The following LAPTM4B variants were observed in gnomAD, a reference collection of about 807,000 sequenced individuals.
LAPTM4B encodes the protein lysosomal-associated transmembrane protein 4B.
Under a neutral mutation model 28.5 loss-of-function variants are expected in LAPTM4B, and 26 were observed. That is an observed-to-expected ratio of 0.91 (90% confidence interval 0.67 to 1.27). LAPTM4B has a LOEUF of 1.27. Among genes scored for constraint, LAPTM4B ranks in the 50% most tolerant of loss-of-function variants. The probability of loss-of-function intolerance (pLI) is 0.00; values close to 1 mark genes in which losing one functional copy is unlikely to be tolerated. For missense variants in LAPTM4B, 288 were observed against 285.8 expected, an observed-to-expected ratio of 1.01 and a Z score of -0.06; for synonymous variants, 109 against 106.4, an observed-to-expected ratio of 1.02 and a Z score of -0.15.
chr8:97,832,707 A>T (rs200720081), intron 6 of LAPTM4B, among the ~76,000 whole-genome samples: 7 of 60,926 alleles, frequency 1.1e-4, no homozygotes, highest in African/African-American at 3.8e-4. Flanking sequence ...TTTTATTTTT[A>T]TTTTATTTTA....
intron 1 of LAPTM4B, among the ~76,000 whole-genome samples, chr8:97,780,164 C>A (rs1250151560): frequency 6.6e-6 from 1 of 151,790 alleles, no homozygotes; most frequent in Non-Finnish European, 1.5e-5. Flanking sequence ...GTGGCTCATA[C>A]CTGTAATCCC....
At chr8:97,776,606 G>C (rs1816221464) in intron 1 of LAPTM4B, among the ~76,000 whole-genome samples, 1 of 152,206 alleles carries the variant, frequency 6.6e-6, no homozygotes. Context: ...GTCTCCGCTA[G>C]GGTGGCCTGC....
intron 1 of LAPTM4B, among the ~76,000 whole-genome samples, chr8:97,776,413 G>A (rs1028850875): frequency 6.6e-6 from 1 of 152,256 alleles, no homozygotes; most frequent in African/African-American, 2.4e-5. Flanking sequence ...GCGGCCTCGC[G>A]TAGGGCGCAC....
chr8:97,781,035 G>C (rs951913048), intron 1 of LAPTM4B, among the ~76,000 whole-genome samples: 2 of 151,720 alleles, frequency 1.3e-5, no homozygotes, highest in African/African-American at 4.8e-5. Flanking sequence ...TGACGCCCAG[G>C]CTGGAGTGCA....
At chr8:97,805,256 C>A in intron 1 of LAPTM4B, 97 bp from the exon 2 acceptor site, 1 of 670,114 alleles carries the variant, frequency 1.5e-6, no homozygotes, top group Non-Finnish European at 2.6e-6. Flanking sequence ...TTGCCTGTGG[C>A]CAGCCTGACT....
chr8:97,780,566 A>G (rs1295277526), intron 1 of LAPTM4B, among the ~76,000 whole-genome samples: 1 of 152,160 alleles, frequency 6.6e-6, no homozygotes, highest in East Asian at 1.9e-4. Context: ...CCGTTTACTA[A>G]GGCTCCAAGT....
At chr8:97,846,081 C>G (rs1318999117) in intron 6 of LAPTM4B, among the ~76,000 whole-genome samples, 1 of 151,184 alleles carries the variant, frequency 6.6e-6, no homozygotes, top group Non-Finnish European at 1.5e-5. Flanking sequence ...TCTGGAACTC[C>G]TGAGGTCAAG....
intron 6 of LAPTM4B, among the ~76,000 whole-genome samples, 185 bp from the exon 7 acceptor site, chr8:97,851,212 G>A (rs1055316434): frequency 5.3e-5 from 8 of 152,186 alleles, no homozygotes; most frequent in Admixed American, 2.0e-4. Context: ...CTTGAGAGTC[G>A]CTCTCCATTT....
At chr8:97,832,039 A>G (rs998834916) in intron 6 of LAPTM4B, among the ~76,000 whole-genome samples, 1 of 152,166 alleles carries the variant, frequency 6.6e-6, no homozygotes, top group African/African-American at 2.4e-5. Context: ...GCTTTCCCCA[A>G]AACAAATATA....
chr8:97,781,717 G>A (rs1816323366), intron 1 of LAPTM4B, among the ~76,000 whole-genome samples: 1 of 152,178 alleles, frequency 6.6e-6, no homozygotes, highest in South Asian at 2.1e-4. Flanking sequence ...CCCAATCACT[G>A]TAGGTAAGTT....
intron 6 of LAPTM4B, among the ~76,000 whole-genome samples, chr8:97,847,406 A>G (rs893876408): frequency 1.3e-5 from 2 of 152,330 alleles, no homozygotes; most frequent in South Asian, 2.1e-4. Flanking sequence ...GACATGACCT[A>G]TATTCTTAGT....
At chr8:97,838,214 A>G (rs376323573) in intron 6 of LAPTM4B, among the ~76,000 whole-genome samples, 4 of 152,284 alleles carry the variant, frequency 2.6e-5, no homozygotes, top group African/African-American at 9.6e-5. Context: ...AACATATACA[A>G]TCACACACTT....
chr8:97,840,090 A>G (rs1034287901), intron 6 of LAPTM4B, among the ~76,000 whole-genome samples: 1 of 152,230 alleles, frequency 6.6e-6, no homozygotes, highest in Non-Finnish European at 1.5e-5. Flanking sequence ...TAGCACATTC[A>G]GGCTTCAGGA....
rs1195058851 is a variant in LAPTM4B at position 97,776,076 on chromosome 8, A to G, written c.67A>G (p.Thr23Ala). ...NSCCLCCHVR[T>A]GTILLGVWYL... ...CTGCTGCTTGTGCTGCCATGTCCGC[A>G]CCGGCACCATCCTGCTCGGCGTCTG... The change falls in exon 1 of 7, where the codon ACC becomes GCC. Residue 23 changes from threonine (T) to alanine (A), a missense_variant. Thr to Ala is a moderately conservative substitution (Grantham distance 58). Coordinates refer to ENST00000521545, the MANE Select transcript of LAPTM4B (RefSeq NM_018407.6). The G allele has an allele frequency of 1.9e-6, 3 of 1,588,518 alleles. No homozygotes were observed. Among genetic ancestry groups the G allele is most frequent in the Non-Finnish European group, 1.7e-6 (2 of 1,172,358 alleles).
intron 1 of LAPTM4B, among the ~76,000 whole-genome samples, chr8:97,796,868 A>T (rs1816593062): frequency 6.6e-6 from 1 of 152,202 alleles, no homozygotes; most frequent in Non-Finnish European, 1.5e-5. Context: ...TGAACCCAGG[A>T]GGCAGAGGTT....
rs140082463 is a variant in LAPTM4B, at chr8:97,825,497, G to A, written c.603+344G>A. 4.2e-3 allele frequency among the ~76,000 whole-genome samples: 639 copies of A among 152,276 alleles called. 3 individuals are homozygous for A. Among genetic ancestry groups the A allele is most frequent in the African/African-American group, 0.014 (586 of 41,558 alleles). On this transcript the variant is annotated intron_variant, in intron 6 of 6. Coordinates refer to ENST00000521545, the MANE Select transcript of LAPTM4B (RefSeq NM_018407.6). ...TCTAGATATCGCTTCTGCATTGTAT[G>A]ACATTATATTAACTCACTTTATATG...
chr8:97,847,799 C>T (rs552100190), intron 6 of LAPTM4B, among the ~76,000 whole-genome samples: 4 of 152,228 alleles, frequency 2.6e-5, no homozygotes, highest in East Asian at 3.9e-4. Context: ...AGTCCAAAGG[C>T]GTCATCTGGA....
intron 1 of LAPTM4B, among the ~76,000 whole-genome samples, chr8:97,790,319 T>C (rs983464285): frequency 2.0e-5 from 3 of 151,766 alleles, no homozygotes; most frequent in Non-Finnish European, 2.9e-5. Flanking sequence ...TGTATAATTT[T>C]TTTTTTTTTT....
intron 1 of LAPTM4B, among the ~76,000 whole-genome samples, chr8:97,797,597 A>G (rs6468590): frequency 0.47 from 71,042 of 152,020 alleles, 17,042 homozygotes; most frequent in African/African-American, 0.56. Flanking sequence ...TCACTATTAT[A>G]CATAAGTCTG....
Sources: allele counts gnomAD v4.1 joint callset (sites outside exome capture counted in the v4.1 genomes callset), GRCh38; gene constraint gnomAD v4.1.1; transcripts MANE v1.5; gene names NCBI Gene and HGNC (gene_info 2026-07-23, HGNC 2026-07-21).